The following ABI1 variants were observed in gnomAD, a reference collection of about 807,000 sequenced individuals.
The protein encoded by ABI1 is abl interactor 1, also known as Abelson interactor 1.
A neutral mutation model predicts 54.6 loss-of-function variants in ABI1; 14 were observed. That is an observed-to-expected ratio of 0.26 (90% CI 0.17 to 0.40). The LOEUF (loss-of-function observed/expected upper bound fraction) is 0.40. ABI1 is among the 10% of genes least tolerant of loss of function. The pLI, the probability that ABI1 is intolerant of heterozygous loss-of-function variation, is 1.00. For missense variants in ABI1, 443 were observed against 598.3 expected (o/e 0.74, Z 2.71); for synonymous variants, 194 against 209.3 (o/e 0.93, Z 0.63).
At chr10:26,833,896 T>C (rs2133949173) in intron 1 of ABI1, among the ~76,000 whole-genome samples, 1 of 152,146 alleles carries the variant, frequency 6.6e-6, no homozygotes, top group South Asian at 2.1e-4. Flanking sequence ...CCAAAAAAAC[T>C]AGAAGAGATC....
At chr10:26,823,085 C>T in intron 2 of ABI1, 53 bp downstream of exon 2, 3 of 1,456,092 alleles carry the variant, frequency 2.1e-6, no homozygotes, top group Non-Finnish European at 2.8e-6. Context: ...ACTTCTTTGG[C>T]ATATGCTGTA....
At chr10:26,797,331 G>A in intron 2 of ABI1, among the ~76,000 whole-genome samples, 2 of 152,226 alleles carry the variant, frequency 1.3e-5, no homozygotes, top group South Asian at 4.2e-4. Flanking sequence ...TAATTCATAG[G>A]TGTTCATTTA....
chr10:26,814,202 C>T (rs868807363), intron 2 of ABI1, among the ~76,000 whole-genome samples: 11 of 152,270 alleles, frequency 7.2e-5, no homozygotes, highest in South Asian at 4.1e-4. Flanking sequence ...ACTCTGATTA[C>T]AAATTGGAGG....
Position 26,748,594 on chromosome 10 carries a change from T to C in ABI1, c.1422A>G (p.Glu474=). 1.2e-6 allele frequency: 2 copies of C among 1,613,104 alleles called. No individual in the cohort carries two copies. The highest frequency in any genetic ancestry group is 1.7e-6 in the Non-Finnish European group (2 of 1,179,710). ...VTGLFPGNYV[E]SIMHYTD ...ATTAATCAGTATAGTGCATGATTGA[T>C]TCAACATAGTTCCCAGGGAACAGAC... The change falls in exon 11 of 11, where the codon GAA becomes GAG. Residue 474 remains glutamate (E), a synonymous_variant. Transcript: ENST00000376140.
In ABI1 at chr10:26,860,600, G is replaced by A. The variant is rs796777911; in HGVS notation, c.117+147C>T. 1.4e-4 allele frequency: 93 copies of A among 666,638 alleles called. No individual in the cohort carries two copies. In the African/African-American group the frequency reaches 1.5e-3, roughly 10 times the overall value. 41.3% of individuals were successfully genotyped at this position (666,638 alleles called of 1,614,324 possible). On this transcript the variant is annotated intron_variant, in intron 1 of 10. Transcript: ENST00000376140. The surrounding 1 kb of genome is among the most constrained non-coding windows in gnomAD (Gnocchi z 4.1). ...CAGCCCGGCCACTCGCTCTGTCCCC[G>A]GTTGGGGCTGGGGTTGGGGCTGCGG...
At chr10:26,755,766 G>A in intron 8 of ABI1, 25 bp from the exon 9 acceptor site, 1 of 1,512,868 alleles carries the variant, frequency 6.6e-7, no homozygotes, top group Admixed American at 1.8e-5. Context: ...ACAGTATGGG[G>A]GAAGTAAAAC....
chr10:26,808,593 C>T (rs2047022577), intron 2 of ABI1, among the ~76,000 whole-genome samples: 1 of 151,740 alleles, frequency 6.6e-6, no homozygotes, highest in Non-Finnish European at 1.5e-5. Context: ...CATGGTGGCA[C>T]GTGCCTGTAA....
intron 2 of ABI1, among the ~76,000 whole-genome samples, chr10:26,795,460 T>A (rs1341468222): frequency 6.6e-6 from 1 of 152,094 alleles, no homozygotes; most frequent in Admixed American, 6.6e-5. Flanking sequence ...AGTAAAATTA[T>A]CTCTATTTGC....
chr10:26,860,719 G>A lies in ABI1; in HGVS notation c.117+28C>T. On this transcript the variant is annotated intron_variant, in intron 1 of 10. Transcript: ENST00000376140. The surrounding 1 kb of genome is among the most constrained non-coding windows in gnomAD (Gnocchi z 4.1). ...CTCCGGCGGGTCCTCGACCCGGCCA[G>A]CGCCCGCCGGCCGCCAGAGCGCCTC... 6.3e-7 allele frequency: 1 copy of A among 1,595,420 alleles called. No homozygotes were observed. The highest frequency in any genetic ancestry group is 1.3e-5 in the African/African-American group (1 of 74,648).
At chr10:26,829,673 G>A (rs938491420) in intron 1 of ABI1, among the ~76,000 whole-genome samples, 3 of 151,990 alleles carry the variant, frequency 2.0e-5, no homozygotes. Context: ...TCAATGTAAG[G>A]ATCAATGAGG....
chr10:26,798,347 A>T (rs1844456052), intron 2 of ABI1, among the ~76,000 whole-genome samples: 1 of 152,120 alleles, frequency 6.6e-6, no homozygotes, highest in Non-Finnish European at 1.5e-5. Context: ...GGGTCCTTAC[A>T]AGCCAAAGAG....
At chr10:26,796,775 C>T (rs1442849086) in intron 2 of ABI1, among the ~76,000 whole-genome samples, 1 of 152,094 alleles carries the variant, frequency 6.6e-6, no homozygotes, top group Non-Finnish European at 1.5e-5. Context: ...CTTTTTGGCA[C>T]CAGGGACCGG....
At chr10:26,817,689 T>C (rs1299826347) in intron 2 of ABI1, among the ~76,000 whole-genome samples, 3 of 152,192 alleles carry the variant, frequency 2.0e-5, no homozygotes, top group Admixed American at 6.5e-5. Flanking sequence ...TTAAAAATGG[T>C]TGAATGATCA....
intron 2 of ABI1, among the ~76,000 whole-genome samples, chr10:26,815,199 T>C (rs2047482773): frequency 6.6e-6 from 1 of 150,560 alleles, no homozygotes; most frequent in African/African-American, 2.4e-5. Flanking sequence ...TAAGAATAAA[T>C]GCCCCCCCCA....
chr10:26,748,798 C>T, intron 10 of ABI1, 53 bp from the exon 11 acceptor site: 2 of 1,318,508 alleles, frequency 1.5e-6, no homozygotes, highest in South Asian at 1.3e-5. Flanking sequence ...CCAAAATTTA[C>T]TTGAATTTTA....
chr10:26,748,164 G>A lies in ABI1; in HGVS notation c.*406C>T, dbSNP rs1467361578. The A allele has an allele frequency of 4.5e-6, 1 of 222,180 alleles. No homozygotes were observed. The highest frequency in any genetic ancestry group is 9.0e-6 in the Non-Finnish European group (1 of 111,318). The allele number at this position is 222,180 out of a possible 1,614,324, so 13.8% of individuals were successfully genotyped here. ...TAAATGAGAGAATCTAACAAAAAAA[G>A]TCTGACCAGCACCAGCATTTAAATT... is the stretch of plus-strand genomic sequence containing the variant. On this transcript the variant is annotated 3_prime_UTR_variant, in exon 11 of 11. Coordinates refer to ENST00000376140, the MANE Select transcript of ABI1 (RefSeq NM_001012750.3).
intron 1 of ABI1, among the ~76,000 whole-genome samples, chr10:26,841,641 T>G (rs2049513810): frequency 7.0e-6 from 1 of 143,146 alleles, no homozygotes; most frequent in Non-Finnish European, 1.5e-5. Flanking sequence ...TCTGTATATT[T>G]GACTCTTTTT....
intron 2 of ABI1, among the ~76,000 whole-genome samples, chr10:26,785,323 T>C (rs545217981): frequency 6.6e-6 from 1 of 152,358 alleles, no homozygotes; most frequent in African/African-American, 2.4e-5. Context: ...CCATACCAAC[T>C]TGCTACATAT....
chr10:26,818,915 C>T (rs992069146), intron 2 of ABI1, among the ~76,000 whole-genome samples: 2 of 151,926 alleles, frequency 1.3e-5, no homozygotes, highest in African/African-American at 4.8e-5. Flanking sequence ...ATTGCTTGCA[C>T]GTGGGAGGCA....
Sources: allele counts gnomAD v4.1 joint callset (sites outside exome capture counted in the v4.1 genomes callset), GRCh38; gene constraint gnomAD v4.1.1; non-coding constraint Gnocchi (gnomAD v3.1); transcripts MANE v1.5; gene names NCBI Gene and HGNC (gene_info 2026-07-23, HGNC 2026-07-21).